Variants in PTPRD observed in about 807,000 individuals in gnomAD.
PTPRD encodes the protein receptor-type tyrosine-protein phosphatase delta.
In PTPRD, 34 loss-of-function variants were observed where a neutral mutation model predicts 214.5. The observed-to-expected ratio is 0.16, with a 90% CI of 0.12 to 0.21. The LOEUF (loss-of-function observed/expected upper bound fraction) is 0.21, where lower values mean the gene tolerates loss of function less well. PTPRD is among the 10% of genes least tolerant of loss of function. PTPRD has a pLI of 1.00. For synonymous variants in PTPRD, 1,128 were observed against 845.7 expected (o/e 1.33, Z -5.79); for missense variants, 2,545 against 2,398.7 (o/e 1.06, Z -1.27).
At chr9:9,413,066 T>C (rs781428447) in intron 8 of PTPRD, among the ~76,000 whole-genome samples, 139 of 150,384 alleles carry the variant, frequency 9.2e-4, no homozygotes, top group African/African-American at 3.2e-3. Context: ...GACAGTCATT[T>C]TGGGCAAACA....
rs1014749301 is a variant in PTPRD at position 10,505,946 on chromosome 9, G to C, written c.-600+106452C>G. Reference sequence around the variant, plus strand: ...AGAAGGTGTATGAAAAGATGAGGGAGTCAATTCAGTGATCATAGTCTTGAG... The same window carrying C: ...AGAAGGTGTATGAAAAGATGAGGGACTCAATTCAGTGATCATAGTCTTGAG... On this transcript the variant is annotated intron_variant, in intron 2 of 45. Transcript: ENST00000381196. 1.6e-4 allele frequency among the ~76,000 whole-genome samples: 24 copies of C among 152,080 alleles called. 2 individuals carry two copies. The highest frequency in any genetic ancestry group is 1.4e-3 in the Admixed American group (22 of 15,258).
chr9:9,859,619 A>T (rs1433514228), intron 5 of PTPRD, among the ~76,000 whole-genome samples: 1 of 152,212 alleles, frequency 6.6e-6, no homozygotes, highest in African/African-American at 2.4e-5. Flanking sequence ...AGCTCATAGG[A>T]AAGTAATATT....
At chr9:9,351,992 C>G (rs941363389) in intron 9 of PTPRD, among the ~76,000 whole-genome samples, 1 of 151,878 alleles carries the variant, frequency 6.6e-6, no homozygotes, top group Non-Finnish European at 1.5e-5. Context: ...TTCTGATATG[C>G]AAATAAAAGA....
intron 3 of PTPRD, among the ~76,000 whole-genome samples, chr9:10,107,952 G>C (rs2098651132): frequency 6.6e-6 from 1 of 151,984 alleles, no homozygotes; most frequent in East Asian, 1.9e-4. Context: ...AAAGTCATTG[G>C]TTCTGATCAT....
chr9:10,175,633 G>A (rs991972653), intron 3 of PTPRD, among the ~76,000 whole-genome samples: 25 of 152,114 alleles, frequency 1.6e-4, no homozygotes, highest in African/African-American at 5.8e-4. Flanking sequence ...ATGTTACCCT[G>A]TGGTACAGAT....
At chr9:9,094,916 C>T (rs2099781327) in intron 10 of PTPRD, among the ~76,000 whole-genome samples, 1 of 152,058 alleles carries the variant, frequency 6.6e-6, no homozygotes, top group African/African-American at 2.4e-5. Context: ...CATAGATGCA[C>T]AAATTCTCAA....
intron 12 of PTPRD, among the ~76,000 whole-genome samples, chr9:8,709,496 C>G (rs1177051896): frequency 8.2e-6 from 1 of 121,660 alleles, no homozygotes; most frequent in Non-Finnish European, 1.6e-5. Context: ...GCCTGGGAGA[C>G]AGAGTGAGAC....
chr9:10,109,849 A>G (rs2098674578), intron 3 of PTPRD, among the ~76,000 whole-genome samples: 1 of 152,044 alleles, frequency 6.6e-6, no homozygotes, highest in Admixed American at 6.6e-5. Flanking sequence ...TTGCAAGGAG[A>G]CTATTTTCAA....
At chr9:10,000,508 G>A (rs976382538) in intron 4 of PTPRD, among the ~76,000 whole-genome samples, 1 of 152,122 alleles carries the variant, frequency 6.6e-6, no homozygotes, top group African/African-American at 2.4e-5. Flanking sequence ...CTTTTCATCA[G>A]GAAGTAGCCA....
chr9:9,714,932 A>C (rs1021549926), intron 7 of PTPRD, among the ~76,000 whole-genome samples: 1 of 152,168 alleles, frequency 6.6e-6, no homozygotes, highest in East Asian at 1.9e-4. Context: ...TAAAATATTT[A>C]GTATATTATG....
At chr9:9,927,051 T>C (rs541406125) in intron 5 of PTPRD, among the ~76,000 whole-genome samples, 1 of 152,270 alleles carries the variant, frequency 6.6e-6, no homozygotes, top group Admixed American at 6.5e-5. Flanking sequence ...CCTTAGGAGA[T>C]TAATTTTGCT....
At chr9:9,521,433 A>T (rs1302826484) in intron 8 of PTPRD, among the ~76,000 whole-genome samples, 1 of 152,160 alleles carries the variant, frequency 6.6e-6, no homozygotes. Flanking sequence ...CAAAGGGAAA[A>T]AAACCTGGCA....
At chr9:9,855,876 A>G (rs909270220) in intron 5 of PTPRD, among the ~76,000 whole-genome samples, 1 of 152,192 alleles carries the variant, frequency 6.6e-6, no homozygotes, top group Non-Finnish European at 1.5e-5. Context: ...CTAGCAGCTC[A>G]GTGGGTCATC....
At chr9:10,594,719 C>A (rs1366443058) in intron 2 of PTPRD, among the ~76,000 whole-genome samples, 1 of 151,924 alleles carries the variant, frequency 6.6e-6, no homozygotes, top group Non-Finnish European at 1.5e-5. Context: ...ACCCTTGCAA[C>A]AATTATTCTG....
chr9:8,926,483 C>T (rs2098894549), intron 11 of PTPRD, among the ~76,000 whole-genome samples: 1 of 152,092 alleles, frequency 6.6e-6, no homozygotes, highest in Non-Finnish European at 1.5e-5. Context: ...TTCATGGTTT[C>T]TCCTATGTGA....
chr9:9,650,001 T>C (rs535029210), intron 7 of PTPRD, among the ~76,000 whole-genome samples: 36 of 152,298 alleles, frequency 2.4e-4, no homozygotes, highest in African/African-American at 8.2e-4. Context: ...AGGGGTAGAA[T>C]GATATGGTTT....
At chr9:9,369,747 T>C (rs966072381) in intron 9 of PTPRD, among the ~76,000 whole-genome samples, 16 of 152,338 alleles carry the variant, frequency 1.1e-4, no homozygotes, top group African/African-American at 3.8e-4. Flanking sequence ...GTTTTAGGTC[T>C]AACACATAAG....
chr9:9,053,770 T>A (rs324458), intron 10 of PTPRD, among the ~76,000 whole-genome samples: 108,231 of 152,074 alleles, frequency 0.71, 38,994 homozygotes, highest in African/African-American at 0.81. Flanking sequence ...GAAAATTGGA[T>A]GTTATTGAAA....
chr9:10,264,840 C>T (rs1373925304), intron 3 of PTPRD, among the ~76,000 whole-genome samples: 3 of 152,086 alleles, frequency 2.0e-5, no homozygotes, highest in Admixed American at 6.5e-5. Flanking sequence ...ATAATCCCCA[C>T]GTGTTGTGGG....
Sources: allele counts gnomAD v4.1 joint callset (sites outside exome capture counted in the v4.1 genomes callset), GRCh38; gene constraint gnomAD v4.1.1; transcripts MANE v1.5; gene names NCBI Gene and HGNC (gene_info 2026-07-23, HGNC 2026-07-21).